KIRREL3: variants seen among roughly 807,000 people sequenced by gnomAD.
KIRREL3 encodes kirre like nephrin family adhesion molecule 3.
In KIRREL3, 36 loss-of-function variants were observed where a neutral mutation model predicts 89.7. That is an observed-to-expected ratio of 0.40 (90% CI 0.31 to 0.53). KIRREL3 has a LOEUF of 0.53. Ranked by LOEUF, KIRREL3 falls within the 20% of genes least tolerant of loss-of-function variation. The pLI is 0.49. For synonymous variants in KIRREL3, 445 were observed against 441.4 expected, an observed-to-expected ratio of 1.01 and a Z score of -0.10; for missense variants, 864 against 1,056.6, an observed-to-expected ratio of 0.82 and a Z score of 2.53.
At chr11:126,502,767 T>C (rs1289412722) in intron 4 of KIRREL3, among the ~76,000 whole-genome samples, 4 of 152,222 alleles carry the variant, frequency 2.6e-5, no homozygotes, top group Admixed American at 6.5e-5. Context: ...CAAAAGGTGA[T>C]CTTTAAAACT....
At chr11:126,737,099 G>T (rs1484107346) in intron 1 of KIRREL3, among the ~76,000 whole-genome samples, 2 of 152,238 alleles carry the variant, frequency 1.3e-5, no homozygotes, top group East Asian at 3.8e-4. Context: ...AGTGGAATCT[G>T]CCTGAGAGGG....
At chr11:126,514,210 C>G (rs1045161046) in intron 4 of KIRREL3, among the ~76,000 whole-genome samples, 3 of 152,162 alleles carry the variant, frequency 2.0e-5, no homozygotes, top group Non-Finnish European at 4.4e-5. Context: ...TTTTCTGCTC[C>G]TGTCTTCCGT....
Position 126,848,455 on chromosome 11 carries a change from C to T in KIRREL3, c.55+152000G>A, listed in dbSNP as rs149188762. On this transcript the variant is annotated intron_variant, in intron 1 of 16. Transcript: ENST00000525144. ...GTTTTTTTCCTGCAATGTAGGCTGA[C>T]CCCGCTTATTCCTGTAAACCAACCA... Among the ~76,000 whole-genome samples, 239 of 152,244 alleles carry T rather than the reference C, an allele frequency of 1.6e-3. 1 individual carries two copies. The highest frequency in any genetic ancestry group is 5.3e-3 in the African/African-American group (222 of 41,556).
At position 126,436,944 on chromosome 11, in the gene KIRREL3, G is replaced by T. The variant is rs766342550; in HGVS notation, c.1419C>A (p.Ile473=). 15 of 1,611,074 alleles carry T rather than the reference G, an allele frequency of 9.3e-6. No homozygotes were observed. Among genetic ancestry groups the T allele is most frequent in the Non-Finnish European group, 1.3e-5 (15 of 1,178,798 alleles). ...GTSGRYTVET[I]STEEGVISTL... is the part of the protein sequence containing the mutation. ...TGGAGATGACGCCCTCCTCGGTGCTGATGGTCTCCACCGTATAGCGCCCCG... is the reference window on the plus strand; with the variant it reads ...TGGAGATGACGCCCTCCTCGGTGCTTATGGTCTCCACCGTATAGCGCCCCG... Residue 473 remains isoleucine, a synonymous_variant, in exon 12 of 17, where the codon ATC becomes ATA. Transcript: ENST00000525144.
rs917554554 is a variant in KIRREL3 at position 126,508,925 on chromosome 11, G to A, written c.433+12390C>T. On this transcript the variant is annotated intron_variant, in intron 4 of 16. Coordinates refer to ENST00000525144, the MANE Select transcript of KIRREL3 (RefSeq NM_032531.4). This position sits in a 1 kb window ranked among gnomAD's most constrained non-coding sequence, Gnocchi z 4.9. ...TTGCCCTTCTCTCTTCTCTCCACTCGAGCAACTCACAAGCTGCCCTTTCTG... is the reference window on the plus strand; with the variant it reads ...TTGCCCTTCTCTCTTCTCTCCACTCAAGCAACTCACAAGCTGCCCTTTCTG... 8.5e-5 allele frequency among the ~76,000 whole-genome samples: 13 copies of A among 152,190 alleles called. No individual in the cohort carries two copies. The highest frequency in any genetic ancestry group is 2.9e-4 in the African/African-American group (12 of 41,528).
rs760935032 is a variant in KIRREL3 at position 126,610,537 on chromosome 11, G to C, written c.56-47625C>G. On this transcript the variant is annotated intron_variant, in intron 1 of 16. Coordinates refer to ENST00000525144, the MANE Select transcript of KIRREL3 (RefSeq NM_032531.4). This position sits in a 1 kb window ranked among gnomAD's most constrained non-coding sequence, Gnocchi z 4.6. ...CATGGGAATGTGGGATAATGAGAGA[G>C]AATGTTTGCATTGGAGGTCTGTGGG... The C allele has an allele frequency of 6.6e-6, 1 of 152,388 alleles. No homozygotes were observed. The highest frequency in any genetic ancestry group is 1.5e-5 in the Non-Finnish European group (1 of 68,070). 9.4% of individuals were successfully genotyped at this position (152,388 alleles called of 1,614,324 possible).
At chr11:126,448,845 A>C (rs1955922604) in intron 8 of KIRREL3, among the ~76,000 whole-genome samples, 164 bp downstream of exon 8, 1 of 152,212 alleles carries the variant, frequency 6.6e-6, no homozygotes, top group Admixed American at 6.5e-5. Context: ...TGAAATAAAC[A>C]TGAAACAATG....
Position 126,568,176 on chromosome 11 carries a change from C to T in KIRREL3, c.56-5264G>A, listed in dbSNP as rs1032154679. 3.3e-5 allele frequency among the ~76,000 whole-genome samples: 5 copies of T among 152,016 alleles called. No individual in the cohort carries two copies. Among genetic ancestry groups the T allele is most frequent in the Non-Finnish European group, 7.4e-5 (5 of 67,998 alleles). On this transcript the variant is annotated intron_variant, in intron 1 of 16. Transcript: ENST00000525144. The surrounding 1 kb of genome is among the most constrained non-coding windows in gnomAD (Gnocchi z 4.6). ...ATCCTGGAGTAGCCAATGAGCCTCA[C>T]CCAGGAGTCTGGGCTCTCTCTTAAA...
intron 1 of KIRREL3, among the ~76,000 whole-genome samples, chr11:126,745,355 C>G (rs759178763): frequency 6.6e-6 from 1 of 151,902 alleles, no homozygotes; most frequent in Non-Finnish European, 1.5e-5. Flanking sequence ...TCATTAAAAA[C>G]AGCATTTGGT....
chr11:126,693,843 G>A (rs555495602), intron 1 of KIRREL3, among the ~76,000 whole-genome samples: 8 of 152,304 alleles, frequency 5.3e-5, no homozygotes, highest in African/African-American at 1.4e-4. Context: ...GCCCCACTCC[G>A]CTGAACACCT....
intron 2 of KIRREL3, among the ~76,000 whole-genome samples, chr11:126,539,075 C>T (rs542616594): frequency 6.6e-6 from 1 of 152,220 alleles, no homozygotes; most frequent in Admixed American, 6.5e-5. Context: ...GATCTCTGAC[C>T]CTGCCATTAT....
chr11:126,839,947 G>C (rs1943908169), intron 1 of KIRREL3, among the ~76,000 whole-genome samples: 1 of 152,186 alleles, frequency 6.6e-6, no homozygotes, highest in Non-Finnish European at 1.5e-5. Flanking sequence ...TTCGTACAGA[G>C]TGCATTCTAT....
rs1948861511 is a variant in KIRREL3 at position 126,954,384 on chromosome 11, TTTA to T, written c.55+46068_55+46070del. Among the ~76,000 whole-genome samples, 1 of 152,184 alleles carries T rather than the reference TTTA, an allele frequency of 6.6e-6. No homozygotes were observed. Among genetic ancestry groups the T allele is most frequent in the Non-Finnish European group, 1.5e-5 (1 of 68,042 alleles). Reference sequence around the variant, plus strand: ...GATTATTTATCACTTCAATGAAGAATTTATTGATTTACTTAATATTCATTGCTG... The same window carrying T: ...GATTATTTATCACTTCAATGAAGAATTTGATTTACTTAATATTCATTGCTG... On this transcript the variant is annotated intron_variant, in intron 1 of 16. Transcript: ENST00000525144. The surrounding 1 kb of genome is among the most constrained non-coding windows in gnomAD (Gnocchi z 4.1).
At chr11:126,779,654 A>G (rs1950268209) in intron 1 of KIRREL3, among the ~76,000 whole-genome samples, 1 of 152,150 alleles carries the variant, frequency 6.6e-6, no homozygotes, top group African/African-American at 2.4e-5. Flanking sequence ...ATCTTAGGAC[A>G]CAGTAGGTGC....
Position 126,639,935 on chromosome 11 carries a change from A to G in KIRREL3, c.56-77023T>C, listed in dbSNP as rs1944405431. ...CACTTGCTTAATTGGGAACACTTTA[A>G]TATAGATATCCATTAACTTATGCTA... On this transcript the variant is annotated intron_variant, in intron 1 of 16. Transcript: ENST00000525144. This position sits in a 1 kb window ranked among gnomAD's most constrained non-coding sequence, Gnocchi z 4.3. Among the ~76,000 whole-genome samples the G allele has an allele frequency of 6.6e-6, 1 of 152,214 alleles. No individual in the cohort carries two copies. The highest frequency in any genetic ancestry group is 1.5e-5 in the Non-Finnish European group (1 of 68,026).
chr11:126,938,983 C>A (rs1948321162), intron 1 of KIRREL3, among the ~76,000 whole-genome samples: 1 of 152,152 alleles, frequency 6.6e-6, no homozygotes, highest in Non-Finnish European at 1.5e-5. Flanking sequence ...GCCTAGGTAC[C>A]TGCCAGGGAA....
Position 126,797,255 on chromosome 11 carries a change from C to G in KIRREL3, c.55+203200G>C, listed in dbSNP as rs1455073699. 1.3e-5 allele frequency among the ~76,000 whole-genome samples: 2 copies of G among 152,214 alleles called. No individual in the cohort carries two copies. Among genetic ancestry groups the G allele is most frequent in the East Asian group, 3.9e-4 (2 of 5,190 alleles). The stretch of plus-strand genomic sequence containing the variant: ...GATCCCACCTCTGCCACTTATTGAC[C>G]TCTCTGAGACTCAATTTCTCATCTA... On this transcript the variant is annotated intron_variant, in intron 1 of 16. Transcript: ENST00000525144. The surrounding 1 kb of genome is among the most constrained non-coding windows in gnomAD (Gnocchi z 4.9).
At chr11:126,853,846 T>C (rs1944417871) in intron 1 of KIRREL3, among the ~76,000 whole-genome samples, 1 of 152,214 alleles carries the variant, frequency 6.6e-6, no homozygotes, top group Non-Finnish European at 1.5e-5. Flanking sequence ...ACAGGGACTT[T>C]ACATTTCAGA....
At chr11:126,745,284 T>C (rs1414836625) in intron 1 of KIRREL3, among the ~76,000 whole-genome samples, 1 of 152,124 alleles carries the variant, frequency 6.6e-6, no homozygotes, top group Non-Finnish European at 1.5e-5. Flanking sequence ...AGCTTTGTAG[T>C]ACATGCTATA....
Sources: allele counts gnomAD v4.1 joint callset (sites outside exome capture counted in the v4.1 genomes callset), GRCh38; gene constraint gnomAD v4.1.1; non-coding constraint Gnocchi (gnomAD v3.1); transcripts MANE v1.5; gene names NCBI Gene and HGNC (gene_info 2026-07-23, HGNC 2026-07-21).